Variants in ENO1 observed in about 807,000 individuals in gnomAD.
ENO1 encodes the protein alpha-enolase.
In ENO1, 33 loss-of-function variants were observed where a neutral mutation model predicts 46.3. The observed-to-expected ratio is 0.71, with a 90% CI of 0.54 to 0.95. The LOEUF is 0.95. Ranked by LOEUF, ENO1 falls within the 40% of genes least tolerant of loss-of-function variation. The probability of loss-of-function intolerance (pLI) is 0.00; values close to 1 mark genes in which losing one functional copy is unlikely to be tolerated. For synonymous variants in ENO1, 220 were observed against 216.0 expected, an observed-to-expected ratio of 1.02 and a Z score of -0.16; for missense variants, 488 against 553.3, an observed-to-expected ratio of 0.88 and a Z score of 1.18.
rs746966528 is a variant in ENO1 at position 8,861,412 on chromosome 1, C to T, written c.1253G>A (p.Gly418Asp). 1.9e-6 allele frequency: 3 copies of T among 1,614,036 alleles called. No homozygotes were observed. In the Admixed American group the frequency reaches 5.0e-5, roughly 27 times the overall value. Residue 418 changes from glycine to aspartate, a missense_variant, in exon 12 of 12, where the codon GGC becomes GAC. Coordinates refer to ENST00000234590, the MANE Select transcript of ENO1 (RefSeq NM_001428.5). ...NQLLRIEEELGSKAKFAGRNF... is the reference protein window; with the variant it reads ...NQLLRIEEELDSKAKFAGRNF... ...CCTGCCGGCAAACTTAGCCTTGCTGCCCAGCTCCTCTTCAATTCTTGGGAA... is the reference window on the plus strand; with the variant it reads ...CCTGCCGGCAAACTTAGCCTTGCTGTCCAGCTCCTCTTCAATTCTTGGGAA...
intron 2 of ENO1, among the ~76,000 whole-genome samples, chr1:8,873,020 C>T (rs1168513898): frequency 6.6e-6 from 1 of 152,180 alleles, no homozygotes; most frequent in Non-Finnish European, 1.5e-5. Context: ...ATATTTCTAG[C>T]AAAGGACCCA....
At chr1:8,865,770 T>A (rs1005055124) in intron 7 of ENO1, among the ~76,000 whole-genome samples, 1 of 152,140 alleles carries the variant, frequency 6.6e-6, no homozygotes, top group Admixed American at 6.5e-5. Flanking sequence ...CTGGCCAAGA[T>A]ACAGTTACAG....
Position 8,867,219 on chromosome 1 carries a change from C to T in ENO1, c.342G>A (p.Val114=). ...CACCAGCTTTGCAGACGGCAAGGGA[C>T]ACCCCCAGAATGGCGTTCGCACCAA... is the stretch of plus-strand genomic sequence containing the variant. The part of the protein sequence containing the change: ...SKFGANAILG[V]SLAVCKAGAV... Residue 114 remains valine, a synonymous_variant, in exon 6 of 12, where the codon GTG becomes GTA. Transcript: ENST00000234590. The T allele has an allele frequency of 6.2e-7, 1 of 1,614,182 alleles. No homozygotes were observed. Among genetic ancestry groups the T allele is most frequent in the South Asian group, 1.1e-5 (1 of 91,082 alleles).
At chr1:8,872,610 T>C (rs979806488) in intron 2 of ENO1, among the ~76,000 whole-genome samples, 4 of 152,172 alleles carry the variant, frequency 2.6e-5, no homozygotes, top group Non-Finnish European at 5.9e-5. Flanking sequence ...CTTGAACTCC[T>C]GATCTCAGGT....
rs1557587672 is a variant in ENO1 at position 8,874,767 on chromosome 1, A to T, written c.85+57T>A. ...CCTAAGGCTCCAGCATTTGTAGAAAATTTTTAAAATGAAGCACGGTGGAAG... is the reference window on the plus strand; with the variant it reads ...CCTAAGGCTCCAGCATTTGTAGAAATTTTTTAAAATGAAGCACGGTGGAAG... On this transcript the variant is annotated intron_variant, in intron 2 of 11. Coordinates refer to ENST00000234590, the MANE Select transcript of ENO1 (RefSeq NM_001428.5). The T allele has an allele frequency of 8.6e-6, 13 of 1,508,200 alleles. No individual in the cohort carries two copies. In the East Asian group the frequency reaches 1.1e-4, roughly 13 times the overall value. The allele number at this position is 1,508,200 out of a possible 1,614,324, so 93.4% of individuals were successfully genotyped here.
intron 4 of ENO1, among the ~76,000 whole-genome samples, chr1:8,869,460 C>A (rs772744621): frequency 1.3e-5 from 2 of 152,196 alleles, no homozygotes; most frequent in Non-Finnish European, 2.9e-5. Flanking sequence ...AAAGGAACTC[C>A]TCCTTTTCCC....
chr1:8,876,475 A>C (rs1642734268), intron 1 of ENO1, among the ~76,000 whole-genome samples: 1 of 152,214 alleles, frequency 6.6e-6, no homozygotes, highest in Non-Finnish European at 1.5e-5. Flanking sequence ...GGCCATTTCC[A>C]GTCAATATCC....
Position 8,871,503 on chromosome 1 carries a change from G to A in ENO1, c.181+388C>T, listed in dbSNP as rs957278571. The A allele has an allele frequency of 2.2e-5, 23 of 1,025,162 alleles. No homozygotes were observed. In the East Asian group the frequency reaches 8.2e-4, roughly 37 times the overall value. The allele number at this position is 1,025,162 out of a possible 1,614,324, so 63.5% of individuals were successfully genotyped here. ...TTAGACCTTCCCTGGATCCTTTCTA[G>A]CCCGTGAAGAGGCTGATGATCTCTG... On this transcript the variant is annotated intron_variant, in intron 3 of 11. Transcript: ENST00000234590.
At chr1:8,876,867 G>C (rs1189380443) in intron 1 of ENO1, among the ~76,000 whole-genome samples, 1 of 151,472 alleles carries the variant, frequency 6.6e-6, no homozygotes, top group Non-Finnish European at 1.5e-5. Context: ...TTTTTGAGAC[G>C]GAGTTTCGCT....
intron 3 of ENO1, 40 bp downstream of exon 3, chr1:8,871,851 G>A (rs779985166): frequency 1.9e-6 from 3 of 1,600,032 alleles, no homozygotes; most frequent in Non-Finnish European, 2.6e-6. Flanking sequence ...GAATGGGGCT[G>A]GAAGCAGGGA....
At chr1:8,869,417 G>A (rs1489648289) in intron 4 of ENO1, among the ~76,000 whole-genome samples, 1 of 121,384 alleles carries the variant, frequency 8.2e-6, no homozygotes, top group Non-Finnish European at 2.1e-5. Flanking sequence ...ACAAAAGCCA[G>A]GCCTAAACCA....
At chr1:8,869,555 G>C (rs1327304863) in intron 4 of ENO1, among the ~76,000 whole-genome samples, 1 of 152,112 alleles carries the variant, frequency 6.6e-6, no homozygotes, top group East Asian at 1.9e-4. Context: ...TGGGCCTAGA[G>C]AGCTTTGTTA....
chr1:8,870,161 T>TA (rs1334775449), intron 4 of ENO1: 1 of 434,170 alleles, frequency 2.3e-6, no homozygotes, highest in African/African-American at 1.9e-5. Flanking sequence ...GAGCCACTCT[T>TA]AAAATCTGGA....
chr1:8,870,153 G>A, intron 4 of ENO1: 1 of 421,184 alleles, frequency 2.4e-6, no homozygotes, highest in East Asian at 3.7e-5. Flanking sequence ...ACCCCTGAGA[G>A]CCACTCTTAA....
chr1:8,866,697 C>T, intron 6 of ENO1, 196 bp from the exon 7 acceptor site: 2 of 617,914 alleles, frequency 3.2e-6, no homozygotes, highest in East Asian at 2.8e-5. Flanking sequence ...CAGGGTTTCA[C>T]TATACTGGTC....
At chr1:8,874,762 A>T (rs2124104895) in intron 2 of ENO1, 62 bp downstream of exon 2, 8 of 1,460,104 alleles carry the variant, frequency 5.5e-6, no homozygotes, top group Non-Finnish European at 7.5e-6. Context: ...CAGCATTTGT[A>T]GAAAATTTTT....
At position 8,878,669 on chromosome 1, in the gene ENO1, CG is replaced by C. The variant is rs761800054; in HGVS notation, c.-100del. The C allele has an allele frequency of 2.2e-6, 1 of 456,110 alleles. No individual in the cohort carries two copies. Among genetic ancestry groups the C allele is most frequent in the South Asian group, 1.5e-5 (1 of 64,570 alleles). The allele number at this position is 456,110 out of a possible 1,614,324, so 28.3% of individuals were successfully genotyped here. The stretch of plus-strand genomic sequence containing the variant: ...TAAAGCCGGCGAGATCTCCGTGCTC[CG>C]GGTACCCACAGATACTGTCCGCGCC... On this transcript the variant is annotated 5_prime_UTR_variant, in exon 1 of 12. Transcript: ENST00000234590.
chr1:8,862,315 T>C (rs1445576983), intron 11 of ENO1, among the ~76,000 whole-genome samples: 4 of 151,936 alleles, frequency 2.6e-5, no homozygotes, highest in Admixed American at 2.0e-4. Context: ...CTTTTTTGTA[T>C]ATGTTTGAAA....
At chr1:8,873,669 T>A in intron 2 of ENO1, 1 of 152,368 alleles carries the variant, frequency 6.6e-6, no homozygotes, top group Non-Finnish European at 1.5e-5. Context: ...AGGCATTCTT[T>A]TGCCCAACGA....
Sources: allele counts gnomAD v4.1 joint callset (sites outside exome capture counted in the v4.1 genomes callset), GRCh38; gene constraint gnomAD v4.1.1; transcripts MANE v1.5; gene names NCBI Gene and HGNC (gene_info 2026-07-23, HGNC 2026-07-21).